Variants in PRR5L observed in about 807,000 individuals in gnomAD.
The protein encoded by PRR5L is proline-rich protein 5-like.
A neutral mutation model predicts 36.4 loss-of-function variants in PRR5L; 21 were observed. The observed-to-expected ratio is 0.58, with a 90% confidence interval of 0.41 to 0.83. The LOEUF (loss-of-function observed/expected upper bound fraction) is 0.83. Ranked by LOEUF, PRR5L falls within the 40% of genes least tolerant of loss-of-function variation. The pLI is 0.00. For synonymous variants in PRR5L, 188 were observed against 197.0 expected (o/e 0.95, Z 0.38); for missense variants, 381 against 473.3 (o/e 0.80, Z 1.81).
intron 1 of PRR5L, among the ~76,000 whole-genome samples, chr11:36,336,780 C>A (rs1856773103): frequency 6.6e-6 from 1 of 152,022 alleles, no homozygotes; most frequent in South Asian, 2.1e-4. Context: ...TTGCATGCCA[C>A]CTGTAATACA....
intron 1 of PRR5L, among the ~76,000 whole-genome samples, chr11:36,299,191 C>CAA (rs3081328): frequency 0.36 from 54,469 of 151,852 alleles, 10,171 homozygotes; most frequent in Non-Finnish European, 0.41. Flanking sequence ...GGAAAATGCT[C>CAA]GTTTCATTAT....
At chr11:36,363,806 G>C (rs970550804) in intron 1 of PRR5L, among the ~76,000 whole-genome samples, 2 of 152,204 alleles carry the variant, frequency 1.3e-5, no homozygotes, top group East Asian at 3.8e-4. Flanking sequence ...AGAATGCCAA[G>C]AAGCAATCGG....
intron 1 of PRR5L, among the ~76,000 whole-genome samples, chr11:36,328,664 G>T (rs1856689292): frequency 6.6e-6 from 1 of 152,142 alleles, no homozygotes; most frequent in Non-Finnish European, 1.5e-5. Context: ...TACAGTGGCA[G>T]TATATGTTTT....
intron 1 of PRR5L, among the ~76,000 whole-genome samples, chr11:36,392,800 T>G (rs1368681200): frequency 6.6e-6 from 1 of 152,130 alleles, no homozygotes; most frequent in Admixed American, 6.5e-5. Context: ...CTCACTCACT[T>G]TCATGAGAAC....
chr11:36,413,622 G>A (rs533191469), intron 3 of PRR5L, among the ~76,000 whole-genome samples: 19 of 152,022 alleles, frequency 1.2e-4, no homozygotes, highest in Middle Eastern at 6.8e-3. Flanking sequence ...TTCTTCCAGA[G>A]TTTCTTTATG....
rs1460287221 is a variant in PRR5L at position 36,464,956 on chromosome 11, CTG to C, written c.*2222_*2223del. The stretch of plus-strand genomic sequence containing the variant: ...ATTTGATATTTGTGCAGTAAATAGA[CTG>C]TACCTATAAAAAATTTTATTGATGT... On this transcript the variant is annotated 3_prime_UTR_variant, in exon 9 of 9. Coordinates refer to ENST00000530639, the MANE Select transcript of PRR5L (RefSeq NM_001160167.2). 6 of 152,170 alleles carry C rather than the reference CTG, an allele frequency of 3.9e-5. No individual in the cohort carries two copies. The highest frequency in any genetic ancestry group is 1.4e-4 in the African/African-American group (6 of 41,432). 9.4% of individuals were successfully genotyped at this position (152,170 alleles called of 1,614,324 possible). A position where few individuals can be genotyped will look rare whatever the true frequency, so the allele number is the denominator to read the frequency against.
chr11:36,438,845 G>A (rs1281156099), intron 6 of PRR5L, among the ~76,000 whole-genome samples: 1 of 152,118 alleles, frequency 6.6e-6, no homozygotes, highest in South Asian at 2.1e-4. Context: ...TGAAGTAGGA[G>A]GATCACTTGA....
intron 1 of PRR5L, among the ~76,000 whole-genome samples, chr11:36,339,828 C>T (rs566973729): frequency 6.6e-5 from 10 of 152,222 alleles, no homozygotes; most frequent in Admixed American, 6.5e-4. Flanking sequence ...CCAGCTACCC[C>T]ACCCCATTAG....
chr11:36,400,528 C>G (rs1857768789), intron 1 of PRR5L, among the ~76,000 whole-genome samples: 1 of 152,166 alleles, frequency 6.6e-6, no homozygotes, highest in Non-Finnish European at 1.5e-5. Context: ...AGTGAAGAGT[C>G]ACTGATACTT....
intron 3 of PRR5L, among the ~76,000 whole-genome samples, chr11:36,416,676 G>A (rs1858150179): frequency 6.6e-6 from 1 of 152,132 alleles, no homozygotes; most frequent in Non-Finnish European, 1.5e-5. Context: ...CTCTGTTATT[G>A]GCTGATTTCT....
At chr11:36,441,444 C>A (rs950866841) in intron 6 of PRR5L, among the ~76,000 whole-genome samples, 2 of 152,220 alleles carry the variant, frequency 1.3e-5, no homozygotes, top group East Asian at 3.9e-4. Flanking sequence ...CCATGTTCCA[C>A]ATCCAGGACA....
chr11:36,351,625 A>T (rs1388284949), intron 1 of PRR5L, among the ~76,000 whole-genome samples: 1 of 20,466 alleles, frequency 4.9e-5, no homozygotes, highest in Non-Finnish European at 7.5e-5. Context: ...ATATTTATAT[A>T]TTTATATAAA....
intron 8 of PRR5L, 85 bp from the exon 9 acceptor site, chr11:36,462,257 G>A: frequency 2.9e-6 from 4 of 1,364,728 alleles, no homozygotes; most frequent in Middle Eastern, 1.9e-4. Flanking sequence ...TGAGCACCTT[G>A]TTCTTTTCCC....
chr11:36,395,257 C>A (rs1857634806), intron 1 of PRR5L, among the ~76,000 whole-genome samples: 1 of 152,080 alleles, frequency 6.6e-6, no homozygotes, highest in Non-Finnish European at 1.5e-5. Context: ...AGTCAAGCTA[C>A]CATTAAACAT....
In PRR5L at chr11:36,383,853, G is replaced by A. The variant is rs1857412523; in HGVS notation, c.-125-17144G>A. 2.6e-5 allele frequency among the ~76,000 whole-genome samples: 4 copies of A among 151,848 alleles called. No individual in the cohort carries two copies. The South Asian group carries it at 8.3e-4, about 32-fold the overall frequency. Reference sequence around the variant, plus strand: ...TGGAATTACAGGCGCCTGCCACCACGCCCAGCTAATTTTTGTATCTTTAGT... The same window carrying A: ...TGGAATTACAGGCGCCTGCCACCACACCCAGCTAATTTTTGTATCTTTAGT... On this transcript the variant is annotated intron_variant, in intron 1 of 8. Coordinates refer to ENST00000530639, the MANE Select transcript of PRR5L (RefSeq NM_001160167.2).
rs1445858599 is a variant in PRR5L at position 36,344,143 on chromosome 11, G to T, written c.-126+47705G>T. On this transcript the variant is annotated intron_variant, in intron 1 of 8. Coordinates refer to ENST00000530639, the MANE Select transcript of PRR5L (RefSeq NM_001160167.2). This position sits in a 1 kb window ranked among gnomAD's most constrained non-coding sequence, Gnocchi z 4.1. ...GAGGTAGGAGAATCACTTGAACCTGGGAGGCAGAGGTTGCAGTGAGCCAAG... is the reference window on the plus strand; with the variant it reads ...GAGGTAGGAGAATCACTTGAACCTGTGAGGCAGAGGTTGCAGTGAGCCAAG... Among the ~76,000 whole-genome samples, 1 of 151,944 alleles carries T rather than the reference G, an allele frequency of 6.6e-6. No individual in the cohort carries two copies. The highest frequency in any genetic ancestry group is 2.4e-5 in the African/African-American group (1 of 41,338).
chr11:36,445,709 A>C (rs1356802191), intron 6 of PRR5L, among the ~76,000 whole-genome samples: 1 of 152,234 alleles, frequency 6.6e-6, no homozygotes, highest in Non-Finnish European at 1.5e-5. Flanking sequence ...GTTGACATCT[A>C]AACTATGTAG....
At chr11:36,420,881 A>G (rs987773624) in intron 4 of PRR5L, among the ~76,000 whole-genome samples, 1 of 151,140 alleles carries the variant, frequency 6.6e-6, no homozygotes, top group Admixed American at 6.6e-5. Flanking sequence ...ACACACACGG[A>G]CAGCTCCTCT....
At chr11:36,441,905 T>C (rs527275180) in intron 6 of PRR5L, among the ~76,000 whole-genome samples, 1 of 152,274 alleles carries the variant, frequency 6.6e-6, no homozygotes, top group Non-Finnish European at 1.5e-5. Flanking sequence ...CCTGGGGCAC[T>C]TTGAGCCACT....
Sources: gnomAD v4.1 joint callset for allele counts (sites outside exome capture counted in the v4.1 genomes callset) on GRCh38, gnomAD v4.1.1 for gene constraint, Gnocchi (gnomAD v3.1) non-coding constraint, MANE v1.5 for transcripts, NCBI Gene and HGNC (gene_info 2026-07-23, HGNC 2026-07-21) for gene names.